SPOCK3: variants seen among roughly 807,000 people sequenced by gnomAD.
The protein encoded by SPOCK3 is SPARC (osteonectin), cwcv and kazal like domains proteoglycan 3.
In SPOCK3, 30 loss-of-function variants were observed where a neutral mutation model predicts 56.6. That is an observed-to-expected ratio of 0.53 (90% CI 0.40 to 0.72). SPOCK3 has a LOEUF of 0.72. SPOCK3 is among the 30% of genes least tolerant of loss of function. The pLI is 0.00. For synonymous variants in SPOCK3, 196 were observed against 183.3 expected (o/e 1.07, Z -0.56); for missense variants, 527 against 530.0 (o/e 0.99, Z 0.06).
intron 3 of SPOCK3, among the ~76,000 whole-genome samples, chr4:167,060,152 A>T (rs2150241969): frequency 6.6e-6 from 1 of 152,068 alleles, no homozygotes; most frequent in East Asian, 1.9e-4. Flanking sequence ...AAAGTATAAT[A>T]ATAATAAAAT....
At chr4:166,963,003 T>A (rs1209736891) in intron 4 of SPOCK3, among the ~76,000 whole-genome samples, 2 of 152,094 alleles carry the variant, frequency 1.3e-5, no homozygotes, top group South Asian at 2.1e-4. Context: ...CCTTTTGTCA[T>A]GCAGTCATTC....
At chr4:166,809,866 A>G (rs906073228) in intron 6 of SPOCK3, among the ~76,000 whole-genome samples, 6 of 152,102 alleles carry the variant, frequency 3.9e-5, no homozygotes, top group Non-Finnish European at 5.9e-5. Context: ...ATGGAGCAAG[A>G]CAAAAATTAA....
intron 4 of SPOCK3, among the ~76,000 whole-genome samples, chr4:166,995,422 G>A (rs879630937): frequency 1.1e-4 from 16 of 151,770 alleles, no homozygotes; most frequent in Admixed American, 3.3e-4. Context: ...GCAAACCTTC[G>A]TCATCCTAAC....
chr4:167,032,897 A>G (rs187313032), intron 3 of SPOCK3, among the ~76,000 whole-genome samples: 1 of 152,012 alleles, frequency 6.6e-6, no homozygotes, highest in East Asian at 1.9e-4. Context: ...AGTACTGGTT[A>G]TTTTATTATT....
At chr4:167,227,668 C>T (rs1161797923) in intron 2 of SPOCK3, among the ~76,000 whole-genome samples, 2 of 151,954 alleles carry the variant, frequency 1.3e-5, no homozygotes, top group Non-Finnish European at 1.5e-5. Flanking sequence ...TATAAATACT[C>T]CAGGAGCTTA....
At chr4:166,959,215 A>G (rs1237104893) in intron 4 of SPOCK3, among the ~76,000 whole-genome samples, 1 of 152,170 alleles carries the variant, frequency 6.6e-6, no homozygotes, top group Non-Finnish European at 1.5e-5. Context: ...ATAAGAAGTG[A>G]TCAAGAAAGA....
chr4:166,830,142 G>A (rs927143821), intron 6 of SPOCK3, among the ~76,000 whole-genome samples: 11 of 152,092 alleles, frequency 7.2e-5, no homozygotes, highest in South Asian at 2.1e-4. Context: ...TATGGTTTGC[G>A]TATCCTAATC....
intron 3 of SPOCK3, among the ~76,000 whole-genome samples, chr4:167,051,573 A>G (rs1318463678): frequency 1.3e-5 from 2 of 152,224 alleles, no homozygotes; most frequent in East Asian, 3.9e-4. Context: ...AGCAAAACAC[A>G]GAAAACCACT....
At chr4:167,156,750 A>G (rs1764853215) in intron 2 of SPOCK3, among the ~76,000 whole-genome samples, 1 of 152,114 alleles carries the variant, frequency 6.6e-6, no homozygotes, top group Admixed American at 6.6e-5. Flanking sequence ...TGCCAATCCC[A>G]TGGTAAGCAT....
At chr4:167,043,207 T>G (rs1159662821) in intron 3 of SPOCK3, among the ~76,000 whole-genome samples, 1 of 152,100 alleles carries the variant, frequency 6.6e-6, no homozygotes, top group African/African-American at 2.4e-5. Flanking sequence ...TTGGTTAGAT[T>G]TATACCTAAG....
At chr4:166,872,860 G>A (rs930463284) in intron 6 of SPOCK3, among the ~76,000 whole-genome samples, 1 of 152,098 alleles carries the variant, frequency 6.6e-6, no homozygotes, top group Non-Finnish European at 1.5e-5. Flanking sequence ...ATCTGGTGAG[G>A]GTCTTATGCT....
chr4:166,874,277 T>C (rs1732837944), intron 6 of SPOCK3, among the ~76,000 whole-genome samples: 2 of 152,060 alleles, frequency 1.3e-5, no homozygotes, highest in Admixed American at 1.3e-4. Flanking sequence ...CCAAGGAGAA[T>C]GAACGCAAGC....
At chr4:166,849,320 G>A (rs964784787) in intron 6 of SPOCK3, among the ~76,000 whole-genome samples, 5 of 151,934 alleles carry the variant, frequency 3.3e-5, no homozygotes, top group African/African-American at 7.2e-5. Context: ...AATTCATTTA[G>A]TAAAAATAAA....
chr4:166,999,465 G>A (rs1748733820), intron 4 of SPOCK3, among the ~76,000 whole-genome samples: 2 of 152,064 alleles, frequency 1.3e-5, no homozygotes, highest in Non-Finnish European at 2.9e-5. Context: ...TACTGTTGGT[G>A]TGTTTAATAG....
At chr4:166,969,450 G>A (rs80276773) in intron 4 of SPOCK3, among the ~76,000 whole-genome samples, 6,180 of 144,294 alleles carry the variant, frequency 0.043, 411 homozygotes, top group African/African-American at 0.14. Context: ...CCTCCTCACC[G>A]TTCTTGTGGT....
chr4:166,874,212 A>C (rs544981173), intron 6 of SPOCK3, among the ~76,000 whole-genome samples: 7 of 152,058 alleles, frequency 4.6e-5, no homozygotes. Flanking sequence ...CTAATACTCA[A>C]CCCCACCATG....
chr4:167,180,289 G>A lies in SPOCK3; in HGVS notation c.189+53696C>T, dbSNP rs559693646. Among the ~76,000 whole-genome samples the A allele has an allele frequency of 6.8e-4, 103 of 152,246 alleles. 1 individual carries two copies. The highest frequency in any genetic ancestry group is 6.8e-3 in the Middle Eastern group (2 of 294). On this transcript the variant is annotated intron_variant, in intron 2 of 10. Coordinates refer to ENST00000357545, the MANE Select transcript of SPOCK3 (RefSeq NM_001040159.2). ...AGGACATATGCCAAGGAGACTGTGA[G>A]GTAGAATTGAGGATGATTCCACTCA...
Position 166,754,637 on chromosome 4 carries a change from A to T in SPOCK3, c.802T>A (p.Ser268Thr). ...TCAAGGTAAATGCTTCTGAGCTCTG[A>T]CTGGTCCAATAGCAGGTCATAGTTT... ...DTNYDLLLDQ[S>T]ELRSIYLDKN... is the part of the protein sequence containing the mutation. Residue 268 changes from serine to threonine, a missense_variant, in exon 8 of 11, where the codon TCA becomes ACA. Transcript: ENST00000357545. 1 of 1,613,752 alleles carries T rather than the reference A, an allele frequency of 6.2e-7. No individual in the cohort carries two copies. The highest frequency in any genetic ancestry group is 8.5e-7 in the Non-Finnish European group (1 of 1,179,756).
intron 2 of SPOCK3, among the ~76,000 whole-genome samples, chr4:167,186,577 A>C (rs1259882386): frequency 6.6e-6 from 1 of 152,080 alleles, no homozygotes; most frequent in East Asian, 1.9e-4. Flanking sequence ...CAGTGAGCCG[A>C]GATCATGCCA....
Sources: gnomAD v4.1 joint callset for allele counts (sites outside exome capture counted in the v4.1 genomes callset) on GRCh38, gnomAD v4.1.1 for gene constraint, MANE v1.5 for transcripts, NCBI Gene and HGNC (gene_info 2026-07-23, HGNC 2026-07-21) for gene names.